KLRK1: variants seen among roughly 807,000 people sequenced by gnomAD.
KLRK1 encodes the protein killer cell lectin like receptor K1.
A neutral mutation model predicts 31.3 loss-of-function variants in KLRK1; 40 were observed. The ratio of observed to expected loss-of-function variants is 1.28; its 90% CI spans 0.99 to 1.67. KLRK1 has a LOEUF of 1.67. Among genes scored for constraint, KLRK1 ranks in the 40% most tolerant of loss-of-function variants. The pLI is 0.00. For missense variants in KLRK1, 251 were observed against 260.0 expected, an observed-to-expected ratio of 0.97 and a Z score of 0.24; for synonymous variants, 77 against 77.3, an observed-to-expected ratio of 1.00 and a Z score of 0.02.
chr12:10,382,930 A>G (rs952978294), intron 3 of KLRK1, among the ~76,000 whole-genome samples: 1 of 152,122 alleles, frequency 6.6e-6, no homozygotes, highest in Non-Finnish European at 1.5e-5. Flanking sequence ...TTAAGCTGTC[A>G]TCAGTATAAA....
rs762065985 is a variant in KLRK1, at chr12:10,373,070, A to T, written c.*44T>A. 3.2e-6 allele frequency: 5 copies of T among 1,560,240 alleles called. No individual in the cohort carries two copies. The highest frequency in any genetic ancestry group is 2.6e-6 in the Non-Finnish European group (3 of 1,136,368). On this transcript the variant is annotated 3_prime_UTR_variant, in exon 8 of 8. Coordinates refer to ENST00000240618, the MANE Select transcript of KLRK1 (RefSeq NM_007360.4). ...AGTTGGCAGTGTTACCGCTGGTGTA[A>T]TCTCTTCTCTGTTCCTGGCTTTTAT... is the stretch of plus-strand genomic sequence containing the variant.
chr12:10,389,609 C>A (rs546049624), intron 1 of KLRK1, among the ~76,000 whole-genome samples: 10 of 152,220 alleles, frequency 6.6e-5, no homozygotes, highest in South Asian at 6.2e-4. Context: ...TCAGAAAACT[C>A]AAAAATTTGA....
In KLRK1 at chr12:10,388,886, T is replaced by C; in HGVS notation, c.-65-11A>G. On this transcript the variant is annotated splice_polypyrimidine_tract_variant and intron_variant, in intron 1 of 7. Coordinates refer to ENST00000240618, the MANE Select transcript of KLRK1 (RefSeq NM_007360.4). ...ATGCACAAAGGATTCCTGAATAAAATAAAACTGGGCATTTGTTTTTTGTTC... is the reference window on the plus strand; with the variant it reads ...ATGCACAAAGGATTCCTGAATAAAACAAAACTGGGCATTTGTTTTTTGTTC... 2 of 1,560,432 alleles carry C rather than the reference T, an allele frequency of 1.3e-6. No homozygotes were observed. The highest frequency in any genetic ancestry group is 1.8e-6 in the Non-Finnish European group (2 of 1,138,276).
chr12:10,379,986 T>A lies in KLRK1; in HGVS notation c.149-194A>T, dbSNP rs1863040256. The A allele has an allele frequency of 1.5e-5, 6 of 393,242 alleles. No homozygotes were observed. In the East Asian group the frequency reaches 2.5e-4, roughly 16 times the overall value. The allele number at this position is 393,242 out of a possible 1,614,324, so 24.4% of individuals were successfully genotyped here. A position where few individuals can be genotyped will look rare whatever the true frequency, so the allele number is the denominator to read the frequency against. ...AACTAGAGTACAACAATGTAATATT[T>A]CCTTCTATACTTCTCTACAAGTTCC... On this transcript the variant is annotated intron_variant, in intron 3 of 7. Transcript: ENST00000240618.
Position 10,372,636 on chromosome 12 carries a change from T to C in KLRK1, c.*478A>G, listed in dbSNP as rs1345882425. 1 of 172,594 alleles carries C rather than the reference T, an allele frequency of 5.8e-6. No individual in the cohort carries two copies. Among genetic ancestry groups the C allele is most frequent in the African/African-American group, 2.4e-5 (1 of 41,562 alleles). The allele number at this position is 172,594 out of a possible 1,614,324, so 10.7% of individuals were successfully genotyped here. A position where few individuals can be genotyped will look rare whatever the true frequency, so the allele number is the denominator to read the frequency against. On this transcript the variant is annotated 3_prime_UTR_variant, in exon 8 of 8. Coordinates refer to ENST00000240618, the MANE Select transcript of KLRK1 (RefSeq NM_007360.4). Reference sequence around the variant, plus strand: ...GGGCAGCACCACCTCCCTGACCCCGTTGGGTGGAGGACCCATTAAAAGTGG... The same window carrying C: ...GGGCAGCACCACCTCCCTGACCCCGCTGGGTGGAGGACCCATTAAAAGTGG...
chr12:10,388,424 T>G (rs1017352807), intron 2 of KLRK1, among the ~76,000 whole-genome samples: 2 of 152,106 alleles, frequency 1.3e-5, no homozygotes, highest in Non-Finnish European at 2.9e-5. Context: ...AAAAAGAAAC[T>G]AAACTAAACT....
chr12:10,380,300 C>T (rs1441487188), intron 3 of KLRK1, among the ~76,000 whole-genome samples: 2 of 151,982 alleles, frequency 1.3e-5, no homozygotes, highest in Non-Finnish European at 2.9e-5. Flanking sequence ...CTCCTGACCT[C>T]GTGATCCGCC....
intron 3 of KLRK1, among the ~76,000 whole-genome samples, chr12:10,386,667 G>T (rs987430741): frequency 2.6e-5 from 4 of 151,342 alleles, no homozygotes; most frequent in African/African-American, 9.7e-5. Flanking sequence ...CTCCTGCCTC[G>T]ATTATATTAT....
chr12:10,378,813 A>G, intron 5 of KLRK1, 108 bp from the exon 6 acceptor site: 1 of 1,291,636 alleles, frequency 7.7e-7, no homozygotes, highest in Non-Finnish European at 1.0e-6. Context: ...ATTTCAGATT[A>G]TTAAATTATT....
intron 3 of KLRK1, 157 bp from the exon 4 acceptor site, chr12:10,379,949 C>T (rs967426998): frequency 4.1e-6 from 2 of 491,934 alleles, no homozygotes; most frequent in Non-Finnish European, 6.7e-6. Flanking sequence ...AAATACCTCG[C>T]AAATGATCAA....
At chr12:10,373,925 C>T (rs992363433) in intron 7 of KLRK1, 4 of 152,212 alleles carry the variant, frequency 2.6e-5, no homozygotes, top group African/African-American at 7.2e-5. Context: ...GATGCTATCC[C>T]TATTTAAAAA....
intron 7 of KLRK1, among the ~76,000 whole-genome samples, chr12:10,376,021 AT>A (rs1403116414): frequency 9.9e-5 from 15 of 152,238 alleles, no homozygotes; most frequent in African/African-American, 3.6e-4. Context: ...ATGTAAAGAT[AT>A]GCAGAAGGTC....
intron 6 of KLRK1, 46 bp from the exon 7 acceptor site, chr12:10,378,281 AT>A (rs1479689626): frequency 8.2e-6 from 13 of 1,585,990 alleles, no homozygotes; most frequent in Non-Finnish European, 1.1e-5. Flanking sequence ...AGTGTTGATA[AT>A]TTTAGTAAAC....
chr12:10,384,079 C>G (rs1863123784), intron 3 of KLRK1, among the ~76,000 whole-genome samples: 1 of 151,940 alleles, frequency 6.6e-6, no homozygotes, highest in Non-Finnish European at 1.5e-5. Context: ...ACAATGAAAA[C>G]TGTAAAATAC....
chr12:10,387,110 C>A (rs1008917191), intron 2 of KLRK1, 100 bp from the exon 3 acceptor site: 2 of 735,484 alleles, frequency 2.7e-6, no homozygotes, highest in African/African-American at 3.6e-5. Context: ...TATGTACTTC[C>A]CCTGACTATC....
chr12:10,374,461 C>T (rs985532809), intron 7 of KLRK1, among the ~76,000 whole-genome samples: 7 of 148,906 alleles, frequency 4.7e-5, no homozygotes, highest in Non-Finnish European at 7.4e-5. Context: ...GGCGCAATCT[C>T]GGCTCACTGC....
At position 10,372,439 on chromosome 12, in the gene KLRK1, A is replaced by C. The variant is rs1176784954; in HGVS notation, c.*675T>G. On this transcript the variant is annotated 3_prime_UTR_variant, in exon 8 of 8. Transcript: ENST00000240618. ...GAAACCAAACAAGTTATGTGCTTCCAAAATACAATAGTGGGACAAACATAG... is the reference window on the plus strand; with the variant it reads ...GAAACCAAACAAGTTATGTGCTTCCCAAATACAATAGTGGGACAAACATAG... 1 of 152,324 alleles carries C rather than the reference A, an allele frequency of 6.6e-6. No individual in the cohort carries two copies. The highest frequency in any genetic ancestry group is 1.5e-5 in the Non-Finnish European group (1 of 68,096). The allele number at this position is 152,324 out of a possible 1,614,324, so 9.4% of individuals were successfully genotyped here.
At chr12:10,383,969 A>G (rs746057614) in intron 3 of KLRK1, among the ~76,000 whole-genome samples, 1 of 152,058 alleles carries the variant, frequency 6.6e-6, no homozygotes, top group Non-Finnish European at 1.5e-5. Context: ...ACCAATAACA[A>G]ACTGGATGAA....
chr12:10,380,362 G>C (rs1863052004), intron 3 of KLRK1, among the ~76,000 whole-genome samples: 1 of 152,158 alleles, frequency 6.6e-6, no homozygotes, highest in Admixed American at 6.5e-5. Flanking sequence ...ACCGCACCCG[G>C]CCGTGATTTA....
Sources: gnomAD v4.1 joint callset for allele counts (sites outside exome capture counted in the v4.1 genomes callset) on GRCh38, gnomAD v4.1.1 for gene constraint, MANE v1.5 for transcripts, NCBI Gene and HGNC (gene_info 2026-07-23, HGNC 2026-07-21) for gene names.